Variants in AGBL4 observed in about 807,000 individuals in gnomAD.
The protein encoded by AGBL4 is cytosolic carboxypeptidase 6.
AGBL4 carries 58 observed loss-of-function variants against 66.4 expected under a neutral mutation model. That is an observed-to-expected ratio of 0.87 (90% CI 0.71 to 1.09). AGBL4 has a LOEUF of 1.09. Among genes scored for constraint, AGBL4 ranks in the 50% least tolerant of loss-of-function variants. The pLI is 0.00. For synonymous variants in AGBL4, 234 were observed against 222.9 expected (o/e 1.05, Z -0.44); for missense variants, 579 against 631.0 (o/e 0.92, Z 0.88).
In AGBL4 at chr1:49,836,508, A is replaced by C. The variant is rs546941672; in HGVS notation, c.157+14888T>G. Among the ~76,000 whole-genome samples, 5 of 152,240 alleles carry C rather than the reference A, an allele frequency of 3.3e-5. No homozygotes were observed. In the South Asian group the frequency reaches 1.0e-3, roughly 32 times the overall value. ...TTTGCAAGAGTCTTAGCTTCCTTGC[A>C]TTGGGTTAGAACATGCTCCTTTAGC... On this transcript the variant is annotated intron_variant, in intron 2 of 13. Transcript: ENST00000371839.
At chr1:48,786,341 C>A (rs1335209618) in intron 6 of AGBL4, among the ~76,000 whole-genome samples, 1 of 152,148 alleles carries the variant, frequency 6.6e-6, no homozygotes, top group Non-Finnish European at 1.5e-5. Flanking sequence ...TTAGAGAGAT[C>A]ATAGAACTTG....
chr1:49,578,192 G>A (rs1644472931), intron 3 of AGBL4, among the ~76,000 whole-genome samples: 2 of 152,180 alleles, frequency 1.3e-5, no homozygotes, highest in African/African-American at 4.8e-5. Context: ...TGTTGGCTGG[G>A]GTGGTTGACC....
chr1:49,002,858 T>C (rs1042867789), intron 5 of AGBL4, among the ~76,000 whole-genome samples: 8 of 152,152 alleles, frequency 5.3e-5, no homozygotes, highest in African/African-American at 1.7e-4. Context: ...ATTTTAGAAA[T>C]AAAAATAGAC....
chr1:49,362,146 T>C (rs1289787149), intron 3 of AGBL4, among the ~76,000 whole-genome samples: 1 of 152,128 alleles, frequency 6.6e-6, no homozygotes, highest in Admixed American at 6.5e-5. Context: ...TGAATGTTGT[T>C]GTAATCTGAA....
intron 1 of AGBL4, among the ~76,000 whole-genome samples, chr1:49,977,646 A>G (rs1224040001): frequency 2.0e-5 from 3 of 152,230 alleles, no homozygotes; most frequent in African/African-American, 7.2e-5. Context: ...GCTTTAAATA[A>G]TACCACGTTT....
At chr1:49,391,596 C>T (rs1644849809) in intron 3 of AGBL4, among the ~76,000 whole-genome samples, 2 of 135,262 alleles carry the variant, frequency 1.5e-5, no homozygotes, top group African/African-American at 2.8e-5. Context: ...GAGTCTCGCT[C>T]TATCGCCCAG....
intron 1 of AGBL4, among the ~76,000 whole-genome samples, chr1:49,884,522 C>T (rs1647804349): frequency 6.6e-6 from 1 of 151,782 alleles, no homozygotes; most frequent in Admixed American, 6.6e-5. Context: ...TGAAGAATAT[C>T]TTGGTGAAAA....
At chr1:49,912,661 C>A (rs1431791623) in intron 1 of AGBL4, among the ~76,000 whole-genome samples, 1 of 152,144 alleles carries the variant, frequency 6.6e-6, no homozygotes, top group African/African-American at 2.4e-5. Flanking sequence ...GACCATTATG[C>A]TACCCTAACA....
chr1:48,762,301 C>A (rs1644302757), intron 6 of AGBL4, among the ~76,000 whole-genome samples: 1 of 152,196 alleles, frequency 6.6e-6, no homozygotes, highest in Non-Finnish European at 1.5e-5. Context: ...TTAAGCTCAA[C>A]CTAAGATAAT....
intron 3 of AGBL4, among the ~76,000 whole-genome samples, chr1:49,334,788 A>G (rs1645401038): frequency 6.6e-6 from 1 of 152,166 alleles, no homozygotes; most frequent in Non-Finnish European, 1.5e-5. Flanking sequence ...TTAAAACTCC[A>G]TTTATAGCCA....
chr1:49,807,046 C>G (rs1369580556), intron 2 of AGBL4, among the ~76,000 whole-genome samples: 1 of 152,120 alleles, frequency 6.6e-6, no homozygotes, highest in African/African-American at 2.4e-5. Flanking sequence ...ATGGAGCCTC[C>G]CAGAGTTCTA....
chr1:48,801,276 C>T (rs1248682014), intron 6 of AGBL4, among the ~76,000 whole-genome samples: 1 of 152,216 alleles, frequency 6.6e-6, no homozygotes, highest in African/African-American at 2.4e-5. Flanking sequence ...GGCTTTCTGG[C>T]CTTGCCCCTC....
chr1:49,429,821 CA>C (rs1645745320), intron 3 of AGBL4, among the ~76,000 whole-genome samples: 1 of 151,590 alleles, frequency 6.6e-6, no homozygotes, highest in South Asian at 2.1e-4. Context: ...ACTCCTGACA[CA>C]GTAAAGTATT....
chr1:49,038,908 A>G (rs918461664), intron 5 of AGBL4, among the ~76,000 whole-genome samples: 1 of 152,156 alleles, frequency 6.6e-6, no homozygotes, highest in African/African-American at 2.4e-5. Flanking sequence ...GCTGATGTTT[A>G]CAGCAGCTTT....
chr1:49,349,443 T>A (rs1373821437), intron 3 of AGBL4, among the ~76,000 whole-genome samples: 2 of 152,150 alleles, frequency 1.3e-5, no homozygotes, highest in Non-Finnish European at 2.9e-5. Flanking sequence ...CCTTCTCTCA[T>A]CTCCTTTTCC....
At chr1:49,450,565 G>A (rs1646257733) in intron 3 of AGBL4, among the ~76,000 whole-genome samples, 1 of 152,054 alleles carries the variant, frequency 6.6e-6, no homozygotes, top group Non-Finnish European at 1.5e-5. Context: ...TCAACATACA[G>A]TTTTGGGAAT....
chr1:49,970,159 A>G (rs1657932709), intron 1 of AGBL4, among the ~76,000 whole-genome samples: 1 of 152,156 alleles, frequency 6.6e-6, no homozygotes, highest in Admixed American at 6.5e-5. Flanking sequence ...AGAAGAAAAC[A>G]TAAGGGAAAA....
intron 2 of AGBL4, among the ~76,000 whole-genome samples, chr1:49,764,824 T>C (rs554569881): frequency 1.3e-5 from 2 of 152,090 alleles, no homozygotes; most frequent in African/African-American, 2.4e-5. Flanking sequence ...ACCACTCCCA[T>C]GGAGAGTCGC....
rs1236113112 is a variant in AGBL4, at chr1:49,006,514, T to G, written c.594+39070A>C. Among the ~76,000 whole-genome samples the G allele has an allele frequency of 2.0e-5, 3 of 152,322 alleles. No homozygotes were observed. The East Asian group carries it at 5.8e-4, about 29-fold the overall frequency. ...AAGCAGCGGGGAAGCTCGAACTGGGTGGAGCCCACCACAGCTCAAGGAGGC... is the reference window on the plus strand; with the variant it reads ...AAGCAGCGGGGAAGCTCGAACTGGGGGGAGCCCACCACAGCTCAAGGAGGC... On this transcript the variant is annotated intron_variant, in intron 5 of 13. Transcript: ENST00000371839.
Sources: gnomAD v4.1 joint callset for allele counts (sites outside exome capture counted in the v4.1 genomes callset) on GRCh38, gnomAD v4.1.1 for gene constraint, MANE v1.5 for transcripts, NCBI Gene and HGNC (gene_info 2026-07-23, HGNC 2026-07-21) for gene names.